ATF1: variants seen among roughly 807,000 people sequenced by gnomAD.
ATF1 encodes activating transcription factor 1.
Under a neutral mutation model 34.7 loss-of-function variants are expected in ATF1, and 16 were observed. The ratio of observed to expected loss-of-function variants is 0.46; its 90% CI spans 0.31 to 0.70. The LOEUF (loss-of-function observed/expected upper bound fraction) is 0.70. ATF1 is among the 30% of genes least tolerant of loss of function. The probability of loss-of-function intolerance (pLI) is 0.05; values close to 1 mark genes in which losing one functional copy is unlikely to be tolerated. For missense variants in ATF1, 255 were observed against 321.6 expected, an observed-to-expected ratio of 0.79 and a Z score of 1.58; for synonymous variants, 105 against 113.1, an observed-to-expected ratio of 0.93 and a Z score of 0.46.
At chr12:50,788,290 C>T (rs1238151044) in intron 2 of ATF1, 1 of 446,888 alleles carries the variant, frequency 2.2e-6, no homozygotes, top group African/African-American at 2.0e-5. Context: ...TCAAGCAATC[C>T]TCCTGCCTCA....
At position 50,778,995 on chromosome 12, in the gene ATF1, A is replaced by G. The variant is rs145720898; in HGVS notation, c.-6-1145A>G. On this transcript the variant is annotated intron_variant, in intron 1 of 6. Coordinates refer to ENST00000262053, the MANE Select transcript of ATF1 (RefSeq NM_005171.5). ...GGAGTTTTGCTACTCTAGATACGTC[A>G]AGTTAGTGGAATCATAAAGTTTTTG... 1.4e-3 allele frequency among the ~76,000 whole-genome samples: 209 copies of G among 152,284 alleles called. 2 individuals are homozygous for G. The highest frequency in any genetic ancestry group is 4.8e-3 in the African/African-American group (201 of 41,550).
intron 5 of ATF1, 23 bp from the exon 6 acceptor site, chr12:50,814,257 A>AT (rs745516430): frequency 6.2e-7 from 1 of 1,613,940 alleles, no homozygotes; most frequent in Non-Finnish European, 8.5e-7. Context: ...TAACTAACTC[A>AT]TTCACTCTTG....
chr12:50,800,975 C>T (rs1313624293), intron 3 of ATF1, among the ~76,000 whole-genome samples: 3 of 152,138 alleles, frequency 2.0e-5, no homozygotes, highest in African/African-American at 4.8e-5. Flanking sequence ...GTGGCAGGCG[C>T]CTGTAATCCC....
In ATF1 at chr12:50,788,618, A is replaced by G. The variant is rs189848295; in HGVS notation, c.94-7291A>G. 1.5e-4 allele frequency among the ~76,000 whole-genome samples: 23 copies of G among 152,044 alleles called. 2 individuals are homozygous for G. The South Asian group carries it at 2.3e-3, about 15-fold the overall frequency. On this transcript the variant is annotated intron_variant, in intron 2 of 6. Coordinates refer to ENST00000262053, the MANE Select transcript of ATF1 (RefSeq NM_005171.5). Reference sequence around the variant, plus strand: ...CTGCCTTTGCCTCCTGAGTAGCTAGAGCTGGTTCCTATTATTCACAGATTC... The same window carrying G: ...CTGCCTTTGCCTCCTGAGTAGCTAGGGCTGGTTCCTATTATTCACAGATTC...
chr12:50,786,584 T>A (rs1212513553), intron 2 of ATF1, among the ~76,000 whole-genome samples: 2 of 152,048 alleles, frequency 1.3e-5, no homozygotes, highest in Non-Finnish European at 2.9e-5. Flanking sequence ...TTTTTTTCCT[T>A]TGGAAAAAAA....
At chr12:50,818,770 TA>T (rs1314883855) in intron 6 of ATF1, among the ~76,000 whole-genome samples, 2 of 152,156 alleles carry the variant, frequency 1.3e-5, no homozygotes, top group Non-Finnish European at 2.9e-5. Context: ...CCACCACAGC[TA>T]ATTTTTGTAT....
chr12:50,788,330 G>A lies in ATF1; in HGVS notation c.94-7579G>A, dbSNP rs1195173531. On this transcript the variant is annotated intron_variant, in intron 2 of 6. Coordinates refer to ENST00000262053, the MANE Select transcript of ATF1 (RefSeq NM_005171.5). ...CCCAAGTAGCAGGGACCACAGGTGT[G>A]TGCCATCACATCCGGCTAAACTTTT... is the stretch of plus-strand genomic sequence containing the variant. 2.7e-5 allele frequency: 11 copies of A among 407,018 alleles called. No individual in the cohort carries two copies. In the East Asian group the frequency reaches 8.3e-4, roughly 31 times the overall value. 25.2% of individuals were successfully genotyped at this position (407,018 alleles called of 1,614,324 possible).
intron 2 of ATF1, among the ~76,000 whole-genome samples, chr12:50,789,415 A>G (rs1382642243): frequency 2.0e-5 from 3 of 152,064 alleles, no homozygotes; most frequent in African/African-American, 7.2e-5. Context: ...TTTTGGACTG[A>G]TAATTTAGAA....
rs985708310 is a variant in ATF1, at chr12:50,820,934, T to C, written c.*1155T>C. 5 of 180,150 alleles carry C rather than the reference T, an allele frequency of 2.8e-5. No homozygotes were observed. The highest frequency in any genetic ancestry group is 6.0e-5 in the Non-Finnish European group (5 of 83,924). 11.2% of individuals were successfully genotyped at this position (180,150 alleles called of 1,614,324 possible). A position where few individuals can be genotyped will look rare whatever the true frequency, so the allele number is the denominator to read the frequency against. ...TTTATATTATGGGACGTTTTCAGAT[T>C]GGCTAATATTTGCATTGTAAATTTT... On this transcript the variant is annotated 3_prime_UTR_variant, in exon 7 of 7. Transcript: ENST00000262053.
Position 50,780,235 on chromosome 12 carries a change from A to G in ATF1, c.90A>G (p.Gln30=), listed in dbSNP as rs755094795. 3 of 1,610,124 alleles carry G rather than the reference A, an allele frequency of 1.9e-6. No individual in the cohort carries two copies. The highest frequency in any genetic ancestry group is 2.5e-6 in the Non-Finnish European group (3 of 1,176,876). The change falls in exon 2 of 7, where the codon CAA becomes CAG. Residue 30 remains glutamine (Q), a synonymous_variant. Transcript: ENST00000262053. ...GAGCTCACATTTCTCATATTGCTCAACAGGTAAGGGAGGGACTGGCCAAAA... is the reference window on the plus strand; with the variant it reads ...GAGCTCACATTTCTCATATTGCTCAGCAGGTAAGGGAGGGACTGGCCAAAA... The part of the protein sequence containing the change: ...VQGAHISHIA[Q]QVSSLSESEE...
At chr12:50,788,265 C>T in intron 2 of ATF1, 1 of 452,442 alleles carries the variant, frequency 2.2e-6, no homozygotes, top group Middle Eastern at 3.8e-4. Context: ...TCACTGCAGC[C>T]TTGACCTCCT....
intron 2 of ATF1, among the ~76,000 whole-genome samples, chr12:50,782,144 A>T (rs980571977): frequency 4.6e-5 from 7 of 152,218 alleles, no homozygotes; most frequent in Admixed American, 4.6e-4. Flanking sequence ...ATGTGAGGGC[A>T]GATTTTCTTC....
At chr12:50,805,603 A>AT (rs1941601009) in intron 3 of ATF1, among the ~76,000 whole-genome samples, 1 of 149,944 alleles carries the variant, frequency 6.7e-6, no homozygotes, top group African/African-American at 2.5e-5. Flanking sequence ...TTCTTAACCC[A>AT]TTGTGACCAA....
At chr12:50,769,375 G>A (rs1275452368) in intron 1 of ATF1, among the ~76,000 whole-genome samples, 7 of 151,938 alleles carry the variant, frequency 4.6e-5, no homozygotes, top group African/African-American at 7.3e-5. Context: ...GCATGGTGGC[G>A]CACACCTGTA....
chr12:50,767,293 G>T (rs1321222191), intron 1 of ATF1, among the ~76,000 whole-genome samples: 1 of 151,732 alleles, frequency 6.6e-6, no homozygotes, highest in East Asian at 1.9e-4. Flanking sequence ...TGAGGCTGGT[G>T]GATCCCCTGA....
chr12:50,770,403 G>A (rs1940741298), intron 1 of ATF1, among the ~76,000 whole-genome samples: 2 of 152,162 alleles, frequency 1.3e-5, no homozygotes, highest in African/African-American at 4.8e-5. Flanking sequence ...AGTAAAGAAT[G>A]TCACTTTCTC....
At chr12:50,809,675 A>G in intron 4 of ATF1, 86 bp downstream of exon 4, 1 of 1,344,120 alleles carries the variant, frequency 7.4e-7, no homozygotes, top group Non-Finnish European at 1.0e-6. Flanking sequence ...AAACTGTAAT[A>G]CTTTGATAGT....
chr12:50,780,975 TA>T (rs1478178452), intron 2 of ATF1, among the ~76,000 whole-genome samples: 3 of 151,484 alleles, frequency 2.0e-5, no homozygotes, highest in East Asian at 1.9e-4. Context: ...AATAAATAAA[TA>T]AAAAATAAAA....
chr12:50,796,741 C>T (rs1305635349), intron 3 of ATF1, among the ~76,000 whole-genome samples: 3 of 151,856 alleles, frequency 2.0e-5, no homozygotes, highest in Non-Finnish European at 4.4e-5. Flanking sequence ...TATCTTACAC[C>T]ATTACACAAA....
Sources: allele counts gnomAD v4.1 joint callset (sites outside exome capture counted in the v4.1 genomes callset), GRCh38; gene constraint gnomAD v4.1.1; transcripts MANE v1.5; gene names NCBI Gene and HGNC (gene_info 2026-07-23, HGNC 2026-07-21).